The following SEC13 variants were observed in gnomAD, a reference collection of about 807,000 sequenced individuals.
SEC13 encodes the protein protein SEC13 homolog.
In SEC13, 25 loss-of-function variants were observed where a neutral mutation model predicts 49.2. The observed-to-expected ratio is 0.51, with a 90% CI of 0.37 to 0.71. The LOEUF (loss-of-function observed/expected upper bound fraction) is 0.71, where lower values mean the gene tolerates loss of function less well. SEC13 is among the 30% of genes least tolerant of loss of function. The probability of loss-of-function intolerance (pLI) is 0.00; values close to 1 mark genes in which losing one functional copy is unlikely to be tolerated. For synonymous variants in SEC13, 148 were observed against 163.9 expected (o/e 0.90, Z 0.74); for missense variants, 383 against 417.6 (o/e 0.92, Z 0.72).
chr3:10,305,211 C>T (rs928907928), intron 6 of SEC13, 55 bp from the exon 7 acceptor site: 8 of 1,546,672 alleles, frequency 5.2e-6, no homozygotes, highest in Middle Eastern at 1.7e-4. Flanking sequence ...CACCTCAACT[C>T]CTCCCCAACC....
At chr3:10,302,765 A>G (rs1428625429) in intron 8 of SEC13, among the ~76,000 whole-genome samples, 2 of 152,204 alleles carry the variant, frequency 1.3e-5, no homozygotes, top group Non-Finnish European at 2.9e-5. Context: ...CGCAATAGCT[A>G]AGAGGTGGCA....
intron 5 of SEC13, among the ~76,000 whole-genome samples, chr3:10,311,193 T>C (rs964212524): frequency 3.9e-5 from 6 of 152,160 alleles, no homozygotes; most frequent in Non-Finnish European, 7.4e-5. Flanking sequence ...AGTGTGAGTG[T>C]GGGGGTGTGT....
At position 10,301,257 on chromosome 3, in the gene SEC13, C is replaced by G. The variant is rs200270524; in HGVS notation, c.*4G>C. On this transcript the variant is annotated 3_prime_UTR_variant, in exon 9 of 9. Coordinates refer to ENST00000350697, the MANE Select transcript of SEC13 (RefSeq NM_183352.3). The stretch of plus-strand genomic sequence containing the variant: ...GGGTGGGGAGCCAGGCCCCACCTGT[C>G]TTGTCACTGCTCGTTCTGCTGGCCC... 7 of 1,614,190 alleles carry G rather than the reference C, an allele frequency of 4.3e-6. No individual in the cohort carries two copies. The East Asian group carries it at 1.6e-4, about 36-fold the overall frequency.
intron 5 of SEC13, among the ~76,000 whole-genome samples, chr3:10,308,791 A>ATTTTTTTT (rs34572074): frequency 8.7e-6 from 1 of 115,596 alleles, no homozygotes; most frequent in Non-Finnish European, 1.8e-5. Flanking sequence ...GCTGAGTTGA[A>ATTTTTTTT]TTTTTTTTTT....
chr3:10,315,955 T>C (rs1370548835), intron 2 of SEC13, among the ~76,000 whole-genome samples: 1 of 152,222 alleles, frequency 6.6e-6, no homozygotes, highest in Non-Finnish European at 1.5e-5. Flanking sequence ...ATTCAGATAT[T>C]TGGGCTCTTT....
chr3:10,309,316 A>AATC (rs1701102549), intron 5 of SEC13, among the ~76,000 whole-genome samples: 1 of 151,988 alleles, frequency 6.6e-6, no homozygotes, highest in Non-Finnish European at 1.5e-5. Context: ...AGTTTTCTGG[A>AATC]TTACTTTTTG....
Position 10,300,954 on chromosome 3 carries a change from A to T in SEC13, c.*307T>A. ...AATTATAAGCAATATGACTTTATTTAGTTCCTTTGGAAACAAAACCCCCCA... is the reference window on the plus strand; with the variant it reads ...AATTATAAGCAATATGACTTTATTTTGTTCCTTTGGAAACAAAACCCCCCA... On this transcript the variant is annotated 3_prime_UTR_variant, in exon 9 of 9. Transcript: ENST00000350697. The T allele has an allele frequency of 2.3e-6, 2 of 888,638 alleles. No homozygotes were observed. The highest frequency in any genetic ancestry group is 3.5e-6 in the Non-Finnish European group (2 of 566,674). The allele number at this position is 888,638 out of a possible 1,614,324, so 55.0% of individuals were successfully genotyped here.
Position 10,304,109 on chromosome 3 carries a change from A to G in SEC13, c.772T>C (p.Leu258=), listed in dbSNP as rs772367383. 22 of 1,614,054 alleles carry G rather than the reference A, an allele frequency of 1.4e-5. No homozygotes were observed. Among genetic ancestry groups the G allele is most frequent in the Admixed American group, 3.3e-5 (2 of 60,000 alleles). The part of the protein sequence containing the change: ...ASSNTWSPKL[L]HKFNDVVWHV... Reference sequence around the variant, plus strand: ...CACACCACATCGTTGAACTTGTGCAACAATTTAGGGGACCACGTATTGCTT... The same window carrying G: ...CACACCACATCGTTGAACTTGTGCAGCAATTTAGGGGACCACGTATTGCTT... Residue 258 remains leucine, a synonymous_variant, in exon 8 of 9, where the codon TTG becomes CTG. Transcript: ENST00000350697.
chr3:10,312,523 G>A, intron 4 of SEC13, 56 bp downstream of exon 4: 1 of 1,594,268 alleles, frequency 6.3e-7, no homozygotes, highest in Non-Finnish European at 8.6e-7. Flanking sequence ...AGCCGGGACA[G>A]AGTCCTTTTT....
intron 5 of SEC13, among the ~76,000 whole-genome samples, chr3:10,308,992 T>C (rs527433299): frequency 2.1e-5 from 3 of 145,590 alleles, no homozygotes; most frequent in African/African-American, 7.6e-5. Flanking sequence ...GGCTGGATTA[T>C]AATGGCGTGA....
chr3:10,304,689 C>T (rs1247572716), intron 7 of SEC13, among the ~76,000 whole-genome samples: 12 of 152,272 alleles, frequency 7.9e-5, no homozygotes, highest in East Asian at 5.8e-4. Flanking sequence ...GGTAGCTAAG[C>T]GTATAATTCC....
At chr3:10,310,527 T>G (rs1353730237) in intron 5 of SEC13, among the ~76,000 whole-genome samples, 1 of 151,852 alleles carries the variant, frequency 6.6e-6, no homozygotes, top group Non-Finnish European at 1.5e-5. Flanking sequence ...AAAATCACAA[T>G]AAGATACCAC....
At chr3:10,307,353 T>G (rs1700947835) in intron 5 of SEC13, among the ~76,000 whole-genome samples, 1 of 151,952 alleles carries the variant, frequency 6.6e-6, no homozygotes, top group Non-Finnish European at 1.5e-5. Flanking sequence ...GGACTGCAGG[T>G]GTGTGCCACC....
In SEC13 at chr3:10,314,930, G is replaced by T. The variant is rs79664200; in HGVS notation, c.164+391C>A. On this transcript the variant is annotated intron_variant, in intron 3 of 8. Coordinates refer to ENST00000350697, the MANE Select transcript of SEC13 (RefSeq NM_183352.3). ...ACCACTTTTAAAAGTAGCAGTAGCT[G>T]CCTGCACTAAAGACTTACTGTGTCC... 7.9e-3 allele frequency: 1,328 copies of T among 168,806 alleles called. 21 individuals carry two copies. The highest frequency in any genetic ancestry group is 0.03 in the African/African-American group (1,267 of 42,152). The allele number at this position is 168,806 out of a possible 1,614,324, so 10.5% of individuals were successfully genotyped here. A position where few individuals can be genotyped will look rare whatever the true frequency, so the allele number is the denominator to read the frequency against.
At chr3:10,301,501 T>G (rs964979476) in intron 8 of SEC13, 127 bp from the exon 9 acceptor site, 2 of 1,204,262 alleles carry the variant, frequency 1.7e-6, no homozygotes, top group Non-Finnish European at 2.3e-6. Context: ...AGCATGTCCC[T>G]CCTCCACTGA....
intron 3 of SEC13, chr3:10,313,561 C>T (rs1407723806): frequency 3.5e-5 from 13 of 366,604 alleles, no homozygotes; most frequent in Non-Finnish European, 6.1e-5. Flanking sequence ...ACTCCTTCAC[C>T]GTGGGCTGCA....
At chr3:10,317,868 C>T (rs959865536) in intron 2 of SEC13, among the ~76,000 whole-genome samples, 182 bp downstream of exon 2, 1 of 152,162 alleles carries the variant, frequency 6.6e-6, no homozygotes, top group African/African-American at 2.4e-5. Flanking sequence ...CCTGACAACT[C>T]AGAGGGCACT....
At chr3:10,320,641 T>C in intron 1 of SEC13, 4 of 1,017,968 alleles carry the variant, frequency 3.9e-6, no homozygotes, top group Non-Finnish European at 4.7e-6. Context: ...AGGCTCCACG[T>C]CTCCGAACCT....
chr3:10,315,476 TG>T, intron 2 of SEC13, 40 bp from the exon 3 acceptor site: 2 of 3,300 alleles, frequency 6.1e-4, no homozygotes, highest in Non-Finnish European at 6.0e-4. Flanking sequence ...GCAGGCTGGG[TG>T]GGTGGGTGGG....
Sources: gnomAD v4.1 joint callset for allele counts (sites outside exome capture counted in the v4.1 genomes callset) on GRCh38, gnomAD v4.1.1 for gene constraint, MANE v1.5 for transcripts, NCBI Gene and HGNC (gene_info 2026-07-23, HGNC 2026-07-21) for gene names.